The following ZFHX3 variants were observed in gnomAD, a reference collection of about 807,000 sequenced individuals.
ZFHX3 encodes zinc finger homeobox protein 3.
ZFHX3 carries 42 observed loss-of-function variants against 279.1 expected under a neutral mutation model. The observed-to-expected ratio is 0.15, with a 90% CI of 0.12 to 0.19. ZFHX3 has a LOEUF of 0.19. ZFHX3 is among the 10% of genes least tolerant of loss of function. ZFHX3 has a pLI of 1.00. For synonymous variants in ZFHX3, 2,293 were observed against 1,957.8 expected (o/e 1.17, Z -4.52); for missense variants, 4,981 against 4,754.0 (o/e 1.05, Z -1.40).
Position 73,682,890 on chromosome 16 carries a change from G to GA in ZFHX3, c.-1607-2651dup, listed in dbSNP as rs1481206237. ...AGAAAGAAAGAAAGAAAGAAAGAAA[G>GA]AAAGAAAGAAAGAAAGAGAAAGAAA... On this transcript the variant is annotated intron_variant, in intron 1 of 17. Transcript: ENST00000641206. 6.8e-3 allele frequency among the ~76,000 whole-genome samples: 313 copies of GA among 46,110 alleles called. 12 individuals carry two copies. Among genetic ancestry groups the GA allele is most frequent in the African/African-American group, 0.026 (294 of 11,262 alleles). 30.2% of individuals were successfully genotyped at this position (46,110 alleles called of 152,430 possible). A position where few individuals can be genotyped will look rare whatever the true frequency, so the allele number is the denominator to read the frequency against.
chr16:72,836,544 C>T (rs1450833752), intron 4 of ZFHX3, among the ~76,000 whole-genome samples: 2 of 152,142 alleles, frequency 1.3e-5, no homozygotes, highest in Non-Finnish European at 2.9e-5. Flanking sequence ...TCTCATCACA[C>T]ATCGTACACT....
At chr16:72,814,284 AAAC>A (rs2036542642) in intron 5 of ZFHX3, among the ~76,000 whole-genome samples, 1 of 152,186 alleles carries the variant, frequency 6.6e-6, no homozygotes, top group African/African-American at 2.4e-5. Flanking sequence ...GCCTGACTAA[AAAC>A]AACACCTGTT....
chr16:73,744,760 A>C (rs1055047846), intron 1 of ZFHX3, among the ~76,000 whole-genome samples: 1 of 152,170 alleles, frequency 6.6e-6, no homozygotes, highest in African/African-American at 2.4e-5. Flanking sequence ...CAGCTTTTGC[A>C]TTCTGAATAT....
At position 73,583,202 on chromosome 16, in the gene ZFHX3, C is replaced by T. The variant is rs568794752; in HGVS notation, c.-1547+96978G>A. On this transcript the variant is annotated intron_variant, in intron 2 of 17. Transcript: ENST00000641206. ...CTTCTCATCTGCTCCCATTCCTGTA[C>T]ATCCCTCTTCCCCAAGAAATGAGCC... Among the ~76,000 whole-genome samples, 33 of 152,288 alleles carry T rather than the reference C, an allele frequency of 2.2e-4. No individual in the cohort carries two copies. In the South Asian group the frequency reaches 3.7e-3, roughly 17 times the overall value.
chr16:72,851,511 G>GGAGC (rs1463187237), intron 4 of ZFHX3, among the ~76,000 whole-genome samples: 2 of 151,958 alleles, frequency 1.3e-5, no homozygotes, highest in African/African-American at 4.8e-5. Context: ...TCCTCTCTGG[G>GGAGC]GAGCTCCCAA....
At chr16:73,701,237 G>A (rs1046082120) in intron 1 of ZFHX3, among the ~76,000 whole-genome samples, 2 of 152,132 alleles carry the variant, frequency 1.3e-5, no homozygotes, top group Admixed American at 6.5e-5. Flanking sequence ...AGTGATGTTG[G>A]TTTTCTTGTC....
upstream of ZFHX3, among the ~76,000 whole-genome samples, chr16:73,064,019 C>T (rs1965716963): frequency 6.6e-6 from 1 of 152,082 alleles, no homozygotes; most frequent in African/African-American, 2.4e-5. Context: ...CCACAAAAGG[C>T]GCTTTAATTG....
At position 73,340,952 on chromosome 16, in the gene ZFHX3, T is replaced by C. The variant is rs952233138; in HGVS notation, c.-1290-22616A>G. On this transcript the variant is annotated intron_variant, in intron 3 of 17. Transcript: ENST00000641206. ...AAAAAATTGCATGAAAAAAACATCA[T>C]AAGCAAAATCAAAAGATGCGTGACA... is the stretch of plus-strand genomic sequence containing the variant. 4.6e-5 allele frequency among the ~76,000 whole-genome samples: 7 copies of C among 152,284 alleles called. No individual in the cohort carries two copies. The East Asian group carries it at 1.2e-3, about 25-fold the overall frequency.
At chr16:73,033,491 G>T (rs1290046779) in intron 1 of ZFHX3, among the ~76,000 whole-genome samples, 7 of 152,096 alleles carry the variant, frequency 4.6e-5, no homozygotes, top group Non-Finnish European at 1.0e-4. Context: ...TCTAAAACGT[G>T]AACAGTTTCA....
At chr16:73,375,020 T>G (rs1341309371) in intron 3 of ZFHX3, among the ~76,000 whole-genome samples, 2 of 152,242 alleles carry the variant, frequency 1.3e-5, no homozygotes, top group African/African-American at 4.8e-5. Flanking sequence ...GTTAATTCTT[T>G]AAGGTTCACA....
Position 72,787,315 on chromosome 16 carries a change from G to A in ZFHX3, c.10961C>T (p.Ser3654Leu), listed in dbSNP as rs1044596115. The A allele has an allele frequency of 2.5e-6, 4 of 1,613,890 alleles. No homozygotes were observed. Among genetic ancestry groups the A allele is most frequent in the Non-Finnish European group, 3.4e-6 (4 of 1,179,992 alleles). The change falls in exon 10 of 10, where the codon TCG becomes TTG. Residue 3654 changes from serine (S) to leucine (L), a missense_variant. Ser to Leu is a moderately radical substitution (Grantham distance 145, BLOSUM62 -2). Around this residue, in one of 7 missense-constraint regions of ZFHX3, gnomAD observed 1,034 missense variants for 786.0 expected, o/e 1.32. Coordinates refer to ENST00000268489, the MANE Select transcript of ZFHX3 (RefSeq NM_006885.4). The part of the protein sequence containing the change: ...SSCSTSGVQP[S>L]MPTDDYSEES... ...CTCCGAATAGTCGTCTGTTGGCATC[G>A]AGGGCTGAACCCCTGAGGTGCTGCA...
intron 1 of ZFHX3, among the ~76,000 whole-genome samples, chr16:73,834,025 T>C (rs2663152): frequency 0.4 from 61,347 of 151,656 alleles, 12,927 homozygotes; most frequent in Non-Finnish European, 0.46. Flanking sequence ...AAGGGCTATA[T>C]AGTCTATTGA....
intron 5 of ZFHX3, among the ~76,000 whole-genome samples, chr16:73,209,360 C>T (rs952307310): frequency 1.3e-5 from 2 of 152,074 alleles, no homozygotes; most frequent in Non-Finnish European, 2.9e-5. Flanking sequence ...AATTTTTCCC[C>T]CATGGGTCTG....
chr16:73,451,488 G>A (rs117550601), intron 3 of ZFHX3, among the ~76,000 whole-genome samples: 4 of 152,268 alleles, frequency 2.6e-5, no homozygotes, highest in Non-Finnish European at 5.9e-5. Context: ...TAAATATCCT[G>A]TTAACATTGA....
chr16:73,823,194 G>C (rs375465529), intron 1 of ZFHX3, among the ~76,000 whole-genome samples: 2 of 152,146 alleles, frequency 1.3e-5, no homozygotes, highest in African/African-American at 4.8e-5. Context: ...CATGAGGTCA[G>C]GGAAAGCTTA....
At chr16:73,150,271 A>G (rs1966909859) in intron 5 of ZFHX3, among the ~76,000 whole-genome samples, 1 of 152,262 alleles carries the variant, frequency 6.6e-6, no homozygotes, top group East Asian at 1.9e-4. Context: ...ACTGGCTGCT[A>G]AGAATGTTAT....
intron 1 of ZFHX3, among the ~76,000 whole-genome samples, chr16:72,975,388 A>G (rs913583769): frequency 2.0e-5 from 3 of 152,182 alleles, no homozygotes; most frequent in African/African-American, 7.2e-5. Context: ...AGTTGCAGTG[A>G]GCTGATCGTG....
intron 2 of ZFHX3, among the ~76,000 whole-genome samples, chr16:73,662,492 C>G (rs1412170701): frequency 1.1e-5 from 1 of 91,256 alleles, no homozygotes; most frequent in Non-Finnish European, 2.7e-5. Context: ...TTCCATACCC[C>G]CCTAGGATGA....
At chr16:73,401,364 AAAACAAAAC>A (rs1253668748) in intron 3 of ZFHX3, 9 of 137,924 alleles carry the variant, frequency 6.5e-5, no homozygotes, top group African/African-American at 1.7e-4. Flanking sequence ...CAAAAAACAA[AAAACAAAAC>A]ACACACACAC....
Sources: allele counts gnomAD v4.1 joint callset (sites outside exome capture counted in the v4.1 genomes callset), GRCh38; gene constraint gnomAD v4.1.1; regional missense constraint gnomAD v4.1.1; transcripts MANE v1.5; gene names NCBI Gene and HGNC (gene_info 2026-07-23, HGNC 2026-07-21).